Variants in ZNF341 observed in about 807,000 individuals in gnomAD.
ZNF341 encodes zinc finger protein 341.
A neutral mutation model predicts 87.7 loss-of-function variants in ZNF341; 52 were observed. The ratio of observed to expected loss-of-function variants is 0.59; its 90% CI spans 0.47 to 0.75. The LOEUF (loss-of-function observed/expected upper bound fraction) is 0.75, where lower values mean the gene tolerates loss of function less well. Among genes scored for constraint, ZNF341 ranks in the 30% least tolerant of loss-of-function variants. The pLI, the probability that ZNF341 is intolerant of heterozygous loss-of-function variation, is 0.00. For synonymous variants in ZNF341, 459 were observed against 472.7 expected (o/e 0.97, Z 0.38); for missense variants, 977 against 1,145.9 (o/e 0.85, Z 2.13).
intron 11 of ZNF341, 61 bp from the exon 12 acceptor site, chr20:33,783,671 G>A: frequency 6.2e-7 from 1 of 1,611,228 alleles, no homozygotes; most frequent in Non-Finnish European, 8.5e-7. Context: ...TTTGAGTTCA[G>A]AAGATGGCCA....
intron 7 of ZNF341, among the ~76,000 whole-genome samples, chr20:33,759,513 A>G (rs1348846577): frequency 2.6e-5 from 4 of 151,936 alleles, no homozygotes; most frequent in Non-Finnish European, 5.9e-5. Context: ...TGAACTCCCA[A>G]CCTCAGGTGA....
chr20:33,777,151 C>CAAA (rs58139073), intron 10 of ZNF341, among the ~76,000 whole-genome samples: 20 of 42,922 alleles, frequency 4.7e-4, no homozygotes, highest in African/African-American at 8.6e-4. Flanking sequence ...CCGTCTTTAC[C>CAAA]AAAAAAAAAA....
chr20:33,747,713 CTTT>C (rs570173400), intron 3 of ZNF341, among the ~76,000 whole-genome samples: 11 of 125,640 alleles, frequency 8.8e-5, no homozygotes, highest in Admixed American at 1.6e-4. Context: ...CATCTCTTAC[CTTT>C]TTTTTTTTTT....
chr20:33,776,913 C>G (rs940029137), intron 10 of ZNF341, among the ~76,000 whole-genome samples: 8 of 151,502 alleles, frequency 5.3e-5, no homozygotes, highest in African/African-American at 1.9e-4. Flanking sequence ...TCCTGCCTGG[C>G]CTTCCCAAAG....
rs547676530 is a variant in ZNF341 at position 33,781,442 on chromosome 20, T to C, written c.1719+55T>C. 64 of 1,515,334 alleles carry C rather than the reference T, an allele frequency of 4.2e-5. No homozygotes were observed. In the East Asian group the frequency reaches 1.4e-3, roughly 34 times the overall value. 93.9% of individuals were successfully genotyped at this position (1,515,334 alleles called of 1,614,324 possible). A position where few individuals can be genotyped will look rare whatever the true frequency, so the allele number is the denominator to read the frequency against. On this transcript the variant is annotated intron_variant, in intron 11 of 14. Transcript: ENST00000375200. ...CTAGGCTATAATAAGGGCAAGGAGGTGGGGTGGGGTGCACACCTCACCCTT... is the reference window on the plus strand; with the variant it reads ...CTAGGCTATAATAAGGGCAAGGAGGCGGGGTGGGGTGCACACCTCACCCTT...
intron 2 of ZNF341, among the ~76,000 whole-genome samples, chr20:33,744,224 A>G (rs147875517): frequency 0.014 from 2,126 of 152,154 alleles, 53 homozygotes; most frequent in African/African-American, 0.048. Flanking sequence ...CAGAGGTTGC[A>G]GAGAGCTGAG....
At chr20:33,745,920 G>T (rs2018909199) in intron 3 of ZNF341, among the ~76,000 whole-genome samples, 1 of 151,530 alleles carries the variant, frequency 6.6e-6, no homozygotes, top group Non-Finnish European at 1.5e-5. Context: ...GATCGTGTAG[G>T]GTCTGGGCCT....
At chr20:33,782,748 C>T (rs1301677920) in intron 11 of ZNF341, among the ~76,000 whole-genome samples, 1 of 152,208 alleles carries the variant, frequency 6.6e-6, no homozygotes, top group Non-Finnish European at 1.5e-5. Context: ...GGGTCTGTGC[C>T]CGTGACCAAC....
At chr20:33,750,226 G>C (rs2019024449) in intron 4 of ZNF341, among the ~76,000 whole-genome samples, 1 of 152,116 alleles carries the variant, frequency 6.6e-6, no homozygotes, top group East Asian at 1.9e-4. Flanking sequence ...CAAAGTGCTG[G>C]GATTGTAGAC....
At chr20:33,756,824 G>A (rs1408733326) in intron 5 of ZNF341, among the ~76,000 whole-genome samples, 2 of 152,182 alleles carry the variant, frequency 1.3e-5, no homozygotes, top group African/African-American at 2.4e-5. Flanking sequence ...GCATGAGAGG[G>A]GTACTATGAT....
intron 5 of ZNF341, among the ~76,000 whole-genome samples, chr20:33,755,688 G>A (rs1442356046): frequency 6.7e-6 from 1 of 149,606 alleles, no homozygotes; most frequent in African/African-American, 2.5e-5. Flanking sequence ...GATCTCCCAG[G>A]CTCAGATGAT....
intron 5 of ZNF341, among the ~76,000 whole-genome samples, chr20:33,756,750 C>T (rs1390439037): frequency 6.6e-6 from 1 of 152,176 alleles, no homozygotes; most frequent in Non-Finnish European, 1.5e-5. Context: ...ATTGCATGCT[C>T]ACTCTATGCC....
chr20:33,741,624 C>CA (rs1368522330), intron 2 of ZNF341, among the ~76,000 whole-genome samples: 1 of 152,120 alleles, frequency 6.6e-6, no homozygotes, highest in Non-Finnish European at 1.5e-5. Flanking sequence ...AGGCTGGTCT[C>CA]AAACGCCTGA....
chr20:33,735,071 C>T (rs529446663), intron 1 of ZNF341, among the ~76,000 whole-genome samples: 1 of 152,190 alleles, frequency 6.6e-6, no homozygotes, highest in East Asian at 1.9e-4. Flanking sequence ...CACTCTGTCA[C>T]CCAAGCTGGA....
chr20:33,749,545 C>T (rs1010829481), intron 4 of ZNF341, among the ~76,000 whole-genome samples: 9 of 152,194 alleles, frequency 5.9e-5, no homozygotes, highest in Non-Finnish European at 8.8e-5. Flanking sequence ...GAGCCCCCCA[C>T]CTCAGCCTCC....
chr20:33,776,253 AT>A (rs888570957), intron 10 of ZNF341, among the ~76,000 whole-genome samples: 25 of 146,210 alleles, frequency 1.7e-4, no homozygotes, highest in Middle Eastern at 3.6e-3. Flanking sequence ...TGCCCATCTG[AT>A]TTTTTTTTTT....
intron 1 of ZNF341, among the ~76,000 whole-genome samples, chr20:33,738,873 C>T (rs1412728359): frequency 6.6e-6 from 1 of 152,166 alleles, no homozygotes; most frequent in Non-Finnish European, 1.5e-5. Context: ...GAGGGGAGGG[C>T]TGCGCTGGCA....
intron 1 of ZNF341, among the ~76,000 whole-genome samples, chr20:33,733,503 C>T (rs1371982805): frequency 6.6e-6 from 1 of 151,982 alleles, no homozygotes; most frequent in African/African-American, 2.4e-5. Flanking sequence ...TCCCAAAGTG[C>T]TGGGATTACA....
intron 9 of ZNF341, among the ~76,000 whole-genome samples, chr20:33,769,143 A>G (rs1190547761): frequency 6.6e-6 from 1 of 152,166 alleles, no homozygotes; most frequent in Non-Finnish European, 1.5e-5. Flanking sequence ...AAATTAACAA[A>G]TTAACATTTA....
Sources: allele counts gnomAD v4.1 joint callset (sites outside exome capture counted in the v4.1 genomes callset), GRCh38; gene constraint gnomAD v4.1.1; transcripts MANE v1.5; gene names NCBI Gene and HGNC (gene_info 2026-07-23, HGNC 2026-07-21).